CDH8: variants seen among roughly 807,000 people sequenced by gnomAD.
CDH8 encodes cadherin-8.
A neutral mutation model predicts 68.1 loss-of-function variants in CDH8; 17 were observed. The ratio of observed to expected loss-of-function variants is 0.25; its 90% confidence interval spans 0.17 to 0.37. The LOEUF (loss-of-function observed/expected upper bound fraction) is 0.37. Ranked by LOEUF, CDH8 falls within the 10% of genes least tolerant of loss-of-function variation. The probability of loss-of-function intolerance (pLI) is 1.00; values close to 1 mark genes in which losing one functional copy is unlikely to be tolerated. For synonymous variants in CDH8, 372 were observed against 365.1 expected (o/e 1.02, Z -0.21); for missense variants, 763 against 999.3 (o/e 0.76, Z 3.19).
At chr16:61,983,740 A>G (rs557855924) in intron 2 of CDH8, among the ~76,000 whole-genome samples, 63 of 152,272 alleles carry the variant, frequency 4.1e-4, no homozygotes, top group African/African-American at 1.5e-3. Flanking sequence ...AACAATAGAT[A>G]TTTATTTCTC....
intron 4 of CDH8, among the ~76,000 whole-genome samples, chr16:61,842,075 T>A (rs8056330): frequency 0.2 from 28,630 of 142,622 alleles, 3,121 homozygotes; most frequent in African/African-American, 0.32. Flanking sequence ...TTTTTTTGTA[T>A]TTTTTGTATT....
chr16:61,736,691 T>C (rs1959696681), intron 8 of CDH8, among the ~76,000 whole-genome samples: 1 of 152,180 alleles, frequency 6.6e-6, no homozygotes, highest in Admixed American at 6.6e-5. Flanking sequence ...CATATTTAAA[T>C]ACTGAAGATT....
intron 7 of CDH8, among the ~76,000 whole-genome samples, chr16:61,812,564 C>T (rs541366912): frequency 2.6e-5 from 4 of 151,562 alleles, no homozygotes; most frequent in African/African-American, 7.3e-5. Flanking sequence ...ACCCAATACA[C>T]AATTGAAATA....
chr16:61,790,788 C>A (rs910275671), intron 7 of CDH8, among the ~76,000 whole-genome samples: 9 of 151,888 alleles, frequency 5.9e-5, no homozygotes, highest in African/African-American at 1.9e-4. Flanking sequence ...GAATATGCAT[C>A]TACCAATTTG....
chr16:61,681,366 C>T (rs1021481195), intron 10 of CDH8, among the ~76,000 whole-genome samples: 3 of 151,900 alleles, frequency 2.0e-5, no homozygotes, highest in Non-Finnish European at 4.4e-5. Flanking sequence ...GGTCCTGATA[C>T]AAACCACAGC....
intron 8 of CDH8, among the ~76,000 whole-genome samples, chr16:61,744,642 T>C (rs1370006150): frequency 6.6e-6 from 1 of 151,590 alleles, no homozygotes; most frequent in South Asian, 2.1e-4. Flanking sequence ...CTTTTCTATG[T>C]TTTTTAACTA....
chr16:61,782,568 G>T (rs1363836488), intron 8 of CDH8, among the ~76,000 whole-genome samples: 3 of 148,358 alleles, frequency 2.0e-5, no homozygotes, highest in African/African-American at 2.6e-5. Context: ...CAGGAAGCTC[G>T]AACTGGGTGG....
At chr16:62,020,488 ACGCG>A (rs929634462) in intron 2 of CDH8, among the ~76,000 whole-genome samples, 31 of 98,104 alleles carry the variant, frequency 3.2e-4, no homozygotes, top group Non-Finnish European at 5.6e-4. Flanking sequence ...TAACACACAC[ACGCG>A]CGCGCGCACA....
chr16:61,762,580 G>A (rs369513653), intron 8 of CDH8, among the ~76,000 whole-genome samples: 19 of 152,124 alleles, frequency 1.2e-4, no homozygotes, highest in East Asian at 3.9e-4. Flanking sequence ...TTAGATATTC[G>A]TGAAAAATTC....
intron 4 of CDH8, among the ~76,000 whole-genome samples, chr16:61,832,157 A>G (rs1484031336): frequency 1.3e-5 from 2 of 151,768 alleles, no homozygotes; most frequent in East Asian, 3.9e-4. Context: ...AATCACAACA[A>G]TATCAAACTT....
intron 2 of CDH8, among the ~76,000 whole-genome samples, chr16:61,974,884 T>C (rs1965408214): frequency 6.6e-6 from 1 of 152,116 alleles, no homozygotes; most frequent in Admixed American, 6.6e-5. Context: ...CATCAGCACA[T>C]TGATTTCCTG....
At chr16:61,939,595 C>T (rs1371431850) in intron 2 of CDH8, among the ~76,000 whole-genome samples, 1 of 152,076 alleles carries the variant, frequency 6.6e-6, no homozygotes, top group Non-Finnish European at 1.5e-5. Context: ...TGTCTATAAC[C>T]TTCAAGTTTA....
intron 2 of CDH8, among the ~76,000 whole-genome samples, chr16:61,918,003 G>A (rs1267658888): frequency 6.8e-5 from 7 of 103,484 alleles, no homozygotes; most frequent in Non-Finnish European, 1.2e-4. Flanking sequence ...ACTGACATTT[G>A]TACTGATGTA....
At chr16:61,909,387 T>C (rs1448347018) in intron 2 of CDH8, among the ~76,000 whole-genome samples, 1 of 152,200 alleles carries the variant, frequency 6.6e-6, no homozygotes, top group Admixed American at 6.5e-5. Flanking sequence ...ATGTGCATTA[T>C]TCATCACTAT....
chr16:61,933,955 G>T (rs1390985157), intron 2 of CDH8, among the ~76,000 whole-genome samples: 1 of 152,092 alleles, frequency 6.6e-6, no homozygotes, highest in Non-Finnish European at 1.5e-5. Context: ...CAAAACCTGC[G>T]ATTGTAGTAA....
intron 8 of CDH8, among the ~76,000 whole-genome samples, chr16:61,777,159 C>T (rs1365296749): frequency 6.6e-6 from 1 of 152,120 alleles, no homozygotes; most frequent in Non-Finnish European, 1.5e-5. Flanking sequence ...TCCTCCCAGT[C>T]CTAATGACTT....
chr16:61,899,292 T>C (rs1001033529), intron 3 of CDH8, among the ~76,000 whole-genome samples: 1 of 152,294 alleles, frequency 6.6e-6, no homozygotes, highest in Non-Finnish European at 1.5e-5. Context: ...GCCATGTACA[T>C]AGTTTGATTT....
chr16:61,735,211 T>C (rs1260191452), intron 8 of CDH8, among the ~76,000 whole-genome samples: 1 of 152,114 alleles, frequency 6.6e-6, no homozygotes, highest in Non-Finnish European at 1.5e-5. Flanking sequence ...GTTTTCCAAA[T>C]GTGATCTTGG....
chr16:62,003,590 G>A (rs1043345167), intron 2 of CDH8, among the ~76,000 whole-genome samples: 5 of 152,026 alleles, frequency 3.3e-5, no homozygotes, highest in African/African-American at 7.2e-5. Context: ...CGATCCTTCC[G>A]ACTTGTGTCC....
Sources: gnomAD v4.1 joint callset for allele counts (sites outside exome capture counted in the v4.1 genomes callset) on GRCh38, gnomAD v4.1.1 for gene constraint, MANE v1.5 for transcripts, NCBI Gene and HGNC (gene_info 2026-07-23, HGNC 2026-07-21) for gene names.